The following ITPR2 variants were observed in gnomAD, a reference collection of about 807,000 sequenced individuals.
ITPR2 encodes inositol 1,4,5-trisphosphate receptor type 2.
In ITPR2, 207 loss-of-function variants were observed where a neutral mutation model predicts 317.1. The observed-to-expected ratio is 0.65, with a 90% CI of 0.58 to 0.73. ITPR2 has a LOEUF of 0.73. Ranked by LOEUF, ITPR2 falls within the 30% of genes least tolerant of loss-of-function variation. The pLI is 0.00. For synonymous variants in ITPR2, 1,156 were observed against 1,149.1 expected (o/e 1.01, Z -0.12); for missense variants, 2,613 against 3,284.0 (o/e 0.80, Z 4.99).
intron 45 of ITPR2, among the ~76,000 whole-genome samples, chr12:26,448,215 C>T (rs1941656972): frequency 6.6e-6 from 1 of 152,020 alleles, no homozygotes; most frequent in Non-Finnish European, 1.5e-5. Flanking sequence ...CGATATCCAA[C>T]TTTACTATTG....
intron 13 of ITPR2, among the ~76,000 whole-genome samples, chr12:26,666,499 G>C (rs1222070874): frequency 1.3e-5 from 2 of 152,116 alleles, no homozygotes; most frequent in African/African-American, 4.8e-5. Context: ...GCATACTTCT[G>C]CTTAAGGGAA....
Position 26,624,366 on chromosome 12 carries a change from T to C in ITPR2, c.3065-10A>G, listed in dbSNP as rs771856716. ...ATATCAGGAACAATAGCTGCAAAGA[T>C]AAATGGTAAAATCTCTTCTTTATCC... is the stretch of plus-strand genomic sequence containing the variant. On this transcript the variant is annotated splice_polypyrimidine_tract_variant and intron_variant, in intron 23 of 56. Transcript: ENST00000381340. 26 of 1,596,032 alleles carry C rather than the reference T, an allele frequency of 1.6e-5. No individual in the cohort carries two copies. Among genetic ancestry groups the C allele is most frequent in the Non-Finnish European group, 2.1e-5 (24 of 1,167,590 alleles).
intron 37 of ITPR2, among the ~76,000 whole-genome samples, chr12:26,538,414 T>A (rs187571088): frequency 1.6e-3 from 242 of 152,258 alleles, no homozygotes; most frequent in African/African-American, 5.5e-3. Flanking sequence ...CTGAAAGAAG[T>A]GGCTTGAAAA....
chr12:26,825,296 C>CA (rs1950993080), intron 1 of ITPR2, among the ~76,000 whole-genome samples: 1 of 152,100 alleles, frequency 6.6e-6, no homozygotes, highest in Admixed American at 6.6e-5. Flanking sequence ...AATTTCATGT[C>CA]TGGTTATAAC....
intron 52 of ITPR2, among the ~76,000 whole-genome samples, chr12:26,402,568 A>C (rs1940211961): frequency 6.6e-6 from 1 of 152,258 alleles, no homozygotes; most frequent in African/African-American, 2.4e-5. Context: ...AATTGGCTGA[A>C]AAATCTATAA....
At chr12:26,391,402 T>G (rs1235033999) in intron 54 of ITPR2, among the ~76,000 whole-genome samples, 1 of 151,998 alleles carries the variant, frequency 6.6e-6, no homozygotes, top group Non-Finnish European at 1.5e-5. Flanking sequence ...CATGACCTGT[T>G]TAGGGAATGT....
intron 2 of ITPR2, among the ~76,000 whole-genome samples, chr12:26,736,150 T>C (rs1042356989): frequency 6.6e-6 from 1 of 151,816 alleles, no homozygotes; most frequent in Non-Finnish European, 1.5e-5. Flanking sequence ...TTTTGCGGGG[T>C]GGGGGGAGGT....
chr12:26,489,121 G>GA (rs1221470939), intron 39 of ITPR2, among the ~76,000 whole-genome samples: 2 of 152,108 alleles, frequency 1.3e-5, no homozygotes, highest in East Asian at 3.8e-4. Context: ...TTTTAAAAAG[G>GA]AAAAGTAGGT....
chr12:26,498,789 G>A (rs138834588), intron 37 of ITPR2, among the ~76,000 whole-genome samples: 140 of 152,264 alleles, frequency 9.2e-4, no homozygotes, highest in African/African-American at 3.2e-3. Context: ...CTGAACCCTT[G>A]AGAACTAGCT....
At chr12:26,649,768 A>AC (rs1245316392) in intron 21 of ITPR2, among the ~76,000 whole-genome samples, 2 of 147,108 alleles carry the variant, frequency 1.4e-5, no homozygotes, top group South Asian at 4.4e-4. Flanking sequence ...TACAGGATAG[A>AC]TAGACTAGAT....
At chr12:26,418,094 T>C (rs1458613663) in intron 50 of ITPR2, among the ~76,000 whole-genome samples, 1 of 152,210 alleles carries the variant, frequency 6.6e-6, no homozygotes, top group Non-Finnish European at 1.5e-5. Flanking sequence ...AATCTACTCT[T>C]CACTGTGGCT....
At chr12:26,539,209 C>T (rs573356519) in intron 37 of ITPR2, among the ~76,000 whole-genome samples, 1 of 152,296 alleles carries the variant, frequency 6.6e-6, no homozygotes, top group African/African-American at 2.4e-5. Context: ...ATTCCTTCTC[C>T]TCTCAACCGT....
At chr12:26,753,359 C>A (rs528130190) in intron 2 of ITPR2, among the ~76,000 whole-genome samples, 1 of 152,244 alleles carries the variant, frequency 6.6e-6, no homozygotes, top group East Asian at 1.9e-4. Context: ...CTTTGCTGAC[C>A]GCTATGGGTG....
rs572239624 is a variant in ITPR2 at position 26,504,994 on chromosome 12, G to A, written c.5074-9734C>T. On this transcript the variant is annotated intron_variant, in intron 37 of 56. Coordinates refer to ENST00000381340, the MANE Select transcript of ITPR2 (RefSeq NM_002223.4). The stretch of plus-strand genomic sequence containing the variant: ...GAAGTCCTAGAAGATATGCAGTATG[G>A]TATTCAAAACGTGAGCTACCTCTGG... Among the ~76,000 whole-genome samples, 3 of 152,264 alleles carry A rather than the reference G, an allele frequency of 2.0e-5. No individual in the cohort carries two copies. In the South Asian group the frequency reaches 6.2e-4, roughly 32 times the overall value.
At chr12:26,359,800 G>A (rs986754561) in intron 55 of ITPR2, among the ~76,000 whole-genome samples, 1 of 152,026 alleles carries the variant, frequency 6.6e-6, no homozygotes, top group Non-Finnish European at 1.5e-5. Context: ...CAAGCACATG[G>A]CGTCACCCGG....
chr12:26,743,738 A>C (rs1014012514), intron 2 of ITPR2, among the ~76,000 whole-genome samples: 1 of 152,128 alleles, frequency 6.6e-6, no homozygotes, highest in African/African-American at 2.4e-5. Context: ...CTAAAAATAC[A>C]AAATTAGCTG....
chr12:26,423,208 G>T (rs576650993), intron 49 of ITPR2, among the ~76,000 whole-genome samples: 1 of 152,268 alleles, frequency 6.6e-6, no homozygotes, highest in African/African-American at 2.4e-5. Flanking sequence ...TGTGTGGAGA[G>T]AGAGAGAGAG....
At chr12:26,593,740 T>TGGGG (rs1367818765) in intron 32 of ITPR2, among the ~76,000 whole-genome samples, 5 of 29,026 alleles carry the variant, frequency 1.7e-4, no homozygotes, top group South Asian at 1.3e-3. Context: ...TTTTTTTGTT[T>TGGGG]TTTTTTTTGT....
At chr12:26,533,817 C>T (rs1023663517) in intron 37 of ITPR2, among the ~76,000 whole-genome samples, 7 of 152,182 alleles carry the variant, frequency 4.6e-5, no homozygotes. Context: ...CTTCCAGCCT[C>T]CAGAGCTATA....
Sources: gnomAD v4.1 joint callset for allele counts (sites outside exome capture counted in the v4.1 genomes callset) on GRCh38, gnomAD v4.1.1 for gene constraint, MANE v1.5 for transcripts, NCBI Gene and HGNC (gene_info 2026-07-23, HGNC 2026-07-21) for gene names.